Variants in RGS7 observed in about 807,000 individuals in gnomAD.
RGS7 encodes the protein regulator of G protein signaling 7.
Under a neutral mutation model 81.1 loss-of-function variants are expected in RGS7, and 27 were observed. That is an observed-to-expected ratio of 0.33 (90% CI 0.25 to 0.46). RGS7 has a LOEUF of 0.46. Ranked by LOEUF, RGS7 falls within the 20% of genes least tolerant of loss-of-function variation. The pLI is 1.00. For synonymous variants in RGS7, 208 were observed against 207.7 expected (o/e 1.00, Z -0.01); for missense variants, 396 against 607.4 (o/e 0.65, Z 3.66).
At chr1:241,088,520 T>A (rs374411149) in intron 3 of RGS7, among the ~76,000 whole-genome samples, 19 of 152,006 alleles carry the variant, frequency 1.2e-4, no homozygotes, top group East Asian at 5.8e-4. Flanking sequence ...AGCCCAGAAA[T>A]CATATTTTAA....
intron 2 of RGS7, among the ~76,000 whole-genome samples, chr1:241,259,667 A>AATATATATATATATATATATATATAT (rs59037983): frequency 4.1e-5 from 2 of 49,126 alleles, no homozygotes; most frequent in African/African-American, 8.0e-5. Context: ...AAAAAAAAAA[A>AATATATATATATATATATATATATAT]ATATATATAT....
chr1:241,055,938 T>C (rs1425091786), intron 3 of RGS7, among the ~76,000 whole-genome samples: 1 of 152,204 alleles, frequency 6.6e-6, no homozygotes, highest in East Asian at 1.9e-4. Context: ...GAATGCCAAA[T>C]GTATTTATCT....
chr1:241,278,687 G>T (rs2078329045), intron 2 of RGS7, among the ~76,000 whole-genome samples: 1 of 152,134 alleles, frequency 6.6e-6, no homozygotes, highest in South Asian at 2.1e-4. Flanking sequence ...TCCCAACAAT[G>T]GGTGGTTGTT....
intron 2 of RGS7, among the ~76,000 whole-genome samples, chr1:241,354,715 T>A (rs962134244): frequency 1.3e-5 from 2 of 152,218 alleles, no homozygotes; most frequent in African/African-American, 2.4e-5. Flanking sequence ...TCTTGAACTC[T>A]TCAATGGGCT....
At position 240,802,896 on chromosome 1, in the gene RGS7, A is replaced by G. The variant is rs750338246; in HGVS notation, c.1359+8T>C. 7 of 1,584,624 alleles carry G rather than the reference A, an allele frequency of 4.4e-6. No homozygotes were observed. The highest frequency in any genetic ancestry group is 6.1e-6 in the Non-Finnish European group (7 of 1,153,584). ...GCCAAGAAAAAACAACTCACAAAAAACCAGTACCTTTTTCTTTGCCTGTAG... is the reference window on the plus strand; with the variant it reads ...GCCAAGAAAAAACAACTCACAAAAAGCCAGTACCTTTTTCTTTGCCTGTAG... On this transcript the variant is annotated splice_region_variant and intron_variant, in intron 16 of 18. Coordinates refer to ENST00000440928, the MANE Select transcript of RGS7 (RefSeq NM_001364886.1).
At chr1:241,033,550 C>T (rs1282294265) in intron 3 of RGS7, among the ~76,000 whole-genome samples, 1 of 151,602 alleles carries the variant, frequency 6.6e-6, no homozygotes, top group Non-Finnish European at 1.5e-5. Flanking sequence ...TTTTATGAGG[C>T]TAAATAGGGT....
At chr1:241,023,847 GA>G (rs2059661227) in intron 3 of RGS7, among the ~76,000 whole-genome samples, 1 of 152,192 alleles carries the variant, frequency 6.6e-6, no homozygotes, top group Non-Finnish European at 1.5e-5. Flanking sequence ...CTGGGTTCAA[GA>G]GATTCTCCTG....
At chr1:241,225,669 T>G (rs2075274917) in intron 2 of RGS7, among the ~76,000 whole-genome samples, 1 of 152,208 alleles carries the variant, frequency 6.6e-6, no homozygotes, top group African/African-American at 2.4e-5. Flanking sequence ...ACCAAGCTTC[T>G]CTTTTGAGCA....
intron 9 of RGS7, among the ~76,000 whole-genome samples, chr1:240,849,430 C>T (rs1659685926): frequency 6.6e-6 from 1 of 152,198 alleles, no homozygotes; most frequent in Non-Finnish European, 1.5e-5. Context: ...TAAAACAAAA[C>T]TCAGTCTCTC....
rs530920868 is a variant in RGS7, at chr1:241,173,634, A to T, written c.79-74872T>A. ...ACCCTGGTCTTTACAAAAAACAATT[A>T]GCTGGGCATGGTGCTGTGTGTCTGT... On this transcript the variant is annotated intron_variant, in intron 2 of 18. Coordinates refer to ENST00000440928, the MANE Select transcript of RGS7 (RefSeq NM_001364886.1). Among the ~76,000 whole-genome samples, 17 of 152,234 alleles carry T rather than the reference A, an allele frequency of 1.1e-4. No individual in the cohort carries two copies. The South Asian group carries it at 1.9e-3, about 17-fold the overall frequency.
In RGS7 at chr1:240,868,142, GAA is replaced by G. The variant is rs774468585; in HGVS notation, c.609+443_609+444del. Among the ~76,000 whole-genome samples the G allele has an allele frequency of 8.3e-6, 1 of 121,172 alleles. No individual in the cohort carries two copies. Among genetic ancestry groups the G allele is most frequent in the African/African-American group, 4.5e-5 (1 of 21,988 alleles). The allele number at this position is 121,172 out of a possible 152,430, so 79.5% of individuals were successfully genotyped here. Reference sequence around the variant, plus strand: ...GGAAAGAAAGAAAGAAAGAAAGAAAGAAAGAAAGAAAGAAAGGACGGAGGGAG... The same window carrying G: ...GGAAAGAAAGAAAGAAAGAAAGAAAGAGAAAGAAAGAAAGGACGGAGGGAG... On this transcript the variant is annotated intron_variant, in intron 9 of 18. Transcript: ENST00000440928. This position sits in a 1 kb window ranked among gnomAD's most constrained non-coding sequence, Gnocchi z 5.1.
chr1:241,078,645 G>T (rs978405744), intron 3 of RGS7, among the ~76,000 whole-genome samples: 2 of 151,892 alleles, frequency 1.3e-5, no homozygotes, highest in Admixed American at 6.6e-5. Flanking sequence ...TTAAATATCA[G>T]CTCTATTACT....
chr1:241,058,028 T>A (rs2061557838), intron 3 of RGS7, among the ~76,000 whole-genome samples: 1 of 152,114 alleles, frequency 6.6e-6, no homozygotes, highest in Non-Finnish European at 1.5e-5. Flanking sequence ...CATGCAGTTG[T>A]CACGCTGCCT....
At chr1:240,948,953 T>C (rs1404447934) in intron 4 of RGS7, among the ~76,000 whole-genome samples, 1 of 152,028 alleles carries the variant, frequency 6.6e-6, no homozygotes, top group African/African-American at 2.4e-5. Context: ...CGTTCTTCAT[T>C]TGCTGGGAAG....
rs143605628 is a variant in RGS7 at position 241,106,448 on chromosome 1, C to T, written c.79-7686G>A. ...ACAGTAACTCAGTGAGGCATGGTGG[C>T]TCATGCCTATAATCCCAGCACTTGG... On this transcript the variant is annotated intron_variant, in intron 2 of 18. Transcript: ENST00000440928. 7.9e-4 allele frequency among the ~76,000 whole-genome samples: 121 copies of T among 152,276 alleles called. 1 individual carries two copies. Among genetic ancestry groups the T allele is most frequent in the Middle Eastern group, 3.4e-3 (1 of 294 alleles).
chr1:240,980,973 C>T (rs1221655150), intron 4 of RGS7, among the ~76,000 whole-genome samples: 3 of 152,154 alleles, frequency 2.0e-5, no homozygotes, highest in Non-Finnish European at 4.4e-5. Flanking sequence ...ATCAGTTTTC[C>T]ATGCACATTA....
At chr1:241,061,388 T>C (rs1371622012) in intron 3 of RGS7, among the ~76,000 whole-genome samples, 1 of 152,224 alleles carries the variant, frequency 6.6e-6, no homozygotes, top group Non-Finnish European at 1.5e-5. Context: ...AAGAAAAATT[T>C]AGAAGAGTTC....
At chr1:241,120,003 G>A (rs967017487) in intron 2 of RGS7, among the ~76,000 whole-genome samples, 1 of 152,178 alleles carries the variant, frequency 6.6e-6, no homozygotes, top group Non-Finnish European at 1.5e-5. Context: ...ACTGTGGTCC[G>A]AGTGGCGTGT....
At chr1:241,151,110 A>G (rs1274241612) in intron 2 of RGS7, among the ~76,000 whole-genome samples, 1 of 152,144 alleles carries the variant, frequency 6.6e-6, no homozygotes, top group Non-Finnish European at 1.5e-5. Context: ...CACTCAGTCC[A>G]CTGGCGCACA....
Sources: allele counts gnomAD v4.1 joint callset (sites outside exome capture counted in the v4.1 genomes callset), GRCh38; gene constraint gnomAD v4.1.1; non-coding constraint Gnocchi (gnomAD v3.1); transcripts MANE v1.5; gene names NCBI Gene and HGNC (gene_info 2026-07-23, HGNC 2026-07-21).